The following FSIP2 variants were observed in gnomAD, a reference collection of about 807,000 sequenced individuals.
The protein encoded by FSIP2 is fibrous sheath interacting protein 2.
Under a neutral mutation model 510.5 loss-of-function variants are expected in FSIP2, and 367 were observed. That is an observed-to-expected ratio of 0.72 (90% CI 0.66 to 0.78). The LOEUF (loss-of-function observed/expected upper bound fraction) is 0.78, where lower values mean the gene tolerates loss of function less well. FSIP2 is among the 30% of genes least tolerant of loss of function. The probability of loss-of-function intolerance (pLI) is 0.00; values close to 1 mark genes in which losing one functional copy is unlikely to be tolerated. For synonymous variants in FSIP2, 2,601 were observed against 2,732.2 expected, an observed-to-expected ratio of 0.95 and a Z score of 1.50; for missense variants, 7,594 against 7,901.7, an observed-to-expected ratio of 0.96 and a Z score of 1.48.
rs1206379711 is a variant in FSIP2, at chr2:185,746,754, AGAC to A, written c.707_709del (p.Arg236del). The A allele has an allele frequency of 2.6e-6, 4 of 1,532,500 alleles. No homozygotes were observed. In the East Asian group the frequency reaches 7.3e-5, roughly 28 times the overall value. The allele number at this position is 1,532,500 out of a possible 1,614,324, so 94.9% of individuals were successfully genotyped here. ...CCTATTCCTAATGGATAGAGAAGAA[AGAC>A]GACAGCGGGAACACACAAGAAGAAA... On this transcript the variant is annotated inframe_deletion, in exon 6 of 23. Transcript: ENST00000424728.
At chr2:185,831,666 C>A (rs1694111623) in intron 21 of FSIP2, 147 bp from the exon 22 acceptor site, 5 of 603,784 alleles carry the variant, frequency 8.3e-6, no homozygotes, top group African/African-American at 3.7e-5. Flanking sequence ...CTGAACAATT[C>A]TTTGAGACTG....
chr2:185,824,214 A>G (rs1241980395), intron 19 of FSIP2, among the ~76,000 whole-genome samples: 1 of 151,892 alleles, frequency 6.6e-6, no homozygotes, highest in Non-Finnish European at 1.5e-5. Context: ...CTGTACACTT[A>G]AAATGGTTAA....
In FSIP2 at chr2:185,764,601, A is replaced by C. The variant is rs761304545; in HGVS notation, c.1411+36A>C. ...GCAGTAATTATTGAGTAAATCTTGC[A>C]TTCTATTTATTCTTTCAACTGACAT... is the stretch of plus-strand genomic sequence containing the variant. On this transcript the variant is annotated intron_variant, in intron 13 of 22. Coordinates refer to ENST00000424728, the MANE Select transcript of FSIP2 (RefSeq NM_173651.4). 21 of 1,303,114 alleles carry C rather than the reference A, an allele frequency of 1.6e-5. No individual in the cohort carries two copies. In the South Asian group the frequency reaches 2.7e-4, roughly 17 times the overall value. 80.7% of individuals were successfully genotyped at this position (1,303,114 alleles called of 1,614,324 possible).
upstream of FSIP2, chr2:185,738,732 C>T (rs1335505157): frequency 4.2e-5 from 65 of 1,535,888 alleles, no homozygotes; most frequent in Middle Eastern, 1.7e-4. Context: ...AGGAGGCCAC[C>T]GCCCTTCTGG....
rs1396980849 is a variant in FSIP2 at position 185,800,850 on chromosome 2, T to C, written c.11544T>C (p.Val3848=). Residue 3848 remains valine, a synonymous_variant, in exon 17 of 23, where the codon GTT becomes GTC. Coordinates refer to ENST00000424728, the MANE Select transcript of FSIP2 (RefSeq NM_173651.4). ...TTACTATTATTTCCCACAGCTTGGTTAAATCATTGATGGACAAATTATCTC... is the reference window on the plus strand; with the variant it reads ...TTACTATTATTTCCCACAGCTTGGTCAAATCATTGATGGACAAATTATCTC... ...SMLTIISHSL[V]KSLMDKLSHS... is the part of the protein sequence containing the mutation. 1 of 1,534,372 alleles carries C rather than the reference T, an allele frequency of 6.5e-7. No individual in the cohort carries two copies. Among genetic ancestry groups the C allele is most frequent in the East Asian group, 2.4e-5 (1 of 40,826 alleles).
intron 19 of FSIP2, among the ~76,000 whole-genome samples, chr2:185,818,840 A>G (rs573538023): frequency 6.6e-6 from 1 of 152,068 alleles, no homozygotes; most frequent in South Asian, 2.1e-4. Context: ...TCAAGTTAAA[A>G]AGAAAAATGA....
chr2:185,771,318 C>T (rs1282875484), intron 13 of FSIP2, among the ~76,000 whole-genome samples: 1 of 152,266 alleles, frequency 6.6e-6, no homozygotes, highest in Non-Finnish European at 1.5e-5. Context: ...TAGAGTCTCT[C>T]TGCAGGGGCT....
At chr2:185,827,392 GAC>G (rs1461222313) in intron 20 of FSIP2, among the ~76,000 whole-genome samples, 2 of 151,790 alleles carry the variant, frequency 1.3e-5, no homozygotes, top group Non-Finnish European at 2.9e-5. Context: ...AGCCAAGGAA[GAC>G]AGTCTCATTC....
intron 19 of FSIP2, 29 bp from the exon 20 acceptor site, chr2:185,824,394 CAAATTCACCCT>C (rs776952820): frequency 7.1e-7 from 1 of 1,413,160 alleles, no homozygotes; most frequent in South Asian, 1.3e-5. Flanking sequence ...CTTCATTTAT[CAAATTCACCCT>C]AAATGATGTT....
chr2:185,791,536 A>T lies in FSIP2; in HGVS notation c.4400A>T (p.Asn1467Ile). ...SCSQQSREMT[N>I]KNQKMAAALQ... is the part of the protein sequence containing the mutation. ...AGTCAACAAAGCAGAGAGATGACCA[A>T]TAAGAATCAGAAAATGGCTGCTGCA... is the stretch of plus-strand genomic sequence containing the variant. Residue 1467 changes from asparagine (N) to isoleucine (I), a missense_variant, in exon 16 of 23, where the codon AAT becomes ATT. Physicochemically the swap from Asn to Ile is moderately radical, Grantham distance 149 (BLOSUM62 -3). Transcript: ENST00000424728. 6.5e-7 allele frequency: 1 copy of T among 1,534,452 alleles called. No homozygotes were observed. Among genetic ancestry groups the T allele is most frequent in the Non-Finnish European group, 8.7e-7 (1 of 1,145,670 alleles).
At chr2:185,739,743 C>T (rs1691884426) in intron 2 of FSIP2, among the ~76,000 whole-genome samples, 1 of 152,080 alleles carries the variant, frequency 6.6e-6, no homozygotes, top group African/African-American at 2.4e-5. Flanking sequence ...AATAAAACTT[C>T]ATATATACTT....
chr2:185,740,572 T>G (rs1165019740), intron 2 of FSIP2: 1 of 152,224 alleles, frequency 6.6e-6, no homozygotes, highest in African/African-American at 2.4e-5. Context: ...ACTTGCTTAA[T>G]GTCTTATACA....
In FSIP2 at chr2:185,796,989, T is replaced by C. The variant is rs751828099; in HGVS notation, c.9853T>C (p.Leu3285=). The change falls in exon 16 of 23, where the codon TTA becomes CTA. Residue 3285 remains leucine, a synonymous_variant. Transcript: ENST00000424728. ...RKASDSTEAA[L]KQVLSFIEMG... ...AGCAAGTGACTCCACAGAAGCAGCATTAAAGCAAGTCTTGTCATTCATAGA... is the reference window on the plus strand; with the variant it reads ...AGCAAGTGACTCCACAGAAGCAGCACTAAAGCAAGTCTTGTCATTCATAGA... 2 of 1,535,100 alleles carry C rather than the reference T, an allele frequency of 1.3e-6. No homozygotes were observed. The highest frequency in any genetic ancestry group is 4.9e-5 in the East Asian group (2 of 40,826).
rs1198063844 is a variant in FSIP2 at position 185,800,393 on chromosome 2, T to C, written c.11087T>C (p.Val3696Ala). ...NLKTSESKEV[V>A]NKVFNIVSDL... The stretch of plus-strand genomic sequence containing the variant: ...AAAACAAGTGAATCCAAAGAAGTAG[T>C]CAATAAAGTTTTTAATATTGTTTCA... The change falls in exon 17 of 23, where the codon GTC (valine) becomes GCC (alanine). Residue 3696 changes from valine (V) to alanine (A), a missense_variant. Val to Ala is a moderately conservative substitution (Grantham distance 64). Transcript: ENST00000424728. 3.3e-6 allele frequency: 5 copies of C among 1,527,184 alleles called. No homozygotes were observed. The East Asian group carries it at 1.2e-4, about 37-fold the overall frequency. 94.6% of individuals were successfully genotyped at this position (1,527,184 alleles called of 1,614,324 possible). A position where few individuals can be genotyped will look rare whatever the true frequency, so the allele number is the denominator to read the frequency against.
In FSIP2 at chr2:185,780,959, G is replaced by A. The variant is rs371746313; in HGVS notation, c.1412-1746G>A. Reference sequence around the variant, plus strand: ...CTCAAGGTCATAGAAAACATAATCTGTGATTACGAATTCTTAGCATATAAT... The same window carrying A: ...CTCAAGGTCATAGAAAACATAATCTATGATTACGAATTCTTAGCATATAAT... On this transcript the variant is annotated intron_variant, in intron 13 of 22. Coordinates refer to ENST00000424728, the MANE Select transcript of FSIP2 (RefSeq NM_173651.4). Among the ~76,000 whole-genome samples, 8 of 152,146 alleles carry A rather than the reference G, an allele frequency of 5.3e-5. No homozygotes were observed. In the South Asian group the frequency reaches 1.0e-3, roughly 20 times the overall value.
chr2:185,814,807 T>C (rs1016654141), intron 18 of FSIP2, among the ~76,000 whole-genome samples: 1 of 152,118 alleles, frequency 6.6e-6, no homozygotes, highest in Non-Finnish European at 1.5e-5. Flanking sequence ...TTCCATACCA[T>C]AACATGTTTT....
At chr2:185,759,937 T>C (rs1423556690) in intron 9 of FSIP2, among the ~76,000 whole-genome samples, 7 of 150,502 alleles carry the variant, frequency 4.7e-5, no homozygotes, top group African/African-American at 1.5e-4. Context: ...TTAAACCTCA[T>C]ATTCAATTTC....
chr2:185,797,182 C>T lies in FSIP2; in HGVS notation c.10046C>T (p.Thr3349Ile). The change falls in exon 16 of 23, where the codon ACT becomes ATT. Residue 3349 changes from threonine to isoleucine, a missense_variant. By Grantham distance (89) the Thr-to-Ile change is moderately conservative. Transcript: ENST00000424728. ...SSCGFPSQPH[T>I]NENREIMKPF... ...TGTGGCTTTCCAAGTCAACCACACA[C>T]TAATGAGAACAGGGAAATAATGAAA... 7 of 1,534,902 alleles carry T rather than the reference C, an allele frequency of 4.6e-6. No homozygotes were observed. Among genetic ancestry groups the T allele is most frequent in the Non-Finnish European group, 6.1e-6 (7 of 1,146,214 alleles).
rs1182917956 is a variant in FSIP2 at position 185,831,858 on chromosome 2, A to C, written c.20563A>C (p.Asn6855His). ...ERSKDVLGSA[N>H]PSKEVISETP... ...ATCCAAGGATGTTCTTGGCAGTGCA[A>C]ATCCCTCAAAGGAAGTCATTTCAGG... The change falls in exon 22 of 23, where the codon AAT becomes CAT. Residue 6855 changes from asparagine (N) to histidine (H), a missense_variant. By Grantham distance (68) the Asn-to-His change is moderately conservative. Coordinates refer to ENST00000424728, the MANE Select transcript of FSIP2 (RefSeq NM_173651.4). The C allele has an allele frequency of 5.0e-6, 8 of 1,607,302 alleles. No individual in the cohort carries two copies. The African/African-American group carries it at 8.0e-5, about 16-fold the overall frequency.
Sources: allele counts gnomAD v4.1 joint callset (sites outside exome capture counted in the v4.1 genomes callset), GRCh38; gene constraint gnomAD v4.1.1; transcripts MANE v1.5; gene names NCBI Gene and HGNC (gene_info 2026-07-23, HGNC 2026-07-21).